The following KIAA1549L variants were observed in gnomAD, a reference collection of about 807,000 sequenced individuals.
KIAA1549L encodes KIAA1549 like.
Under a neutral mutation model 160.7 loss-of-function variants are expected in KIAA1549L, and 88 were observed. The ratio of observed to expected loss-of-function variants is 0.55; its 90% CI spans 0.46 to 0.65. KIAA1549L has a LOEUF of 0.65. KIAA1549L is among the 30% of genes least tolerant of loss of function. The probability of loss-of-function intolerance (pLI) is 0.00; values close to 1 mark genes in which losing one functional copy is unlikely to be tolerated. For synonymous variants in KIAA1549L, 950 were observed against 976.7 expected (o/e 0.97, Z 0.51); for missense variants, 2,258 against 2,437.5 (o/e 0.93, Z 1.55).
chr11:33,415,114 C>T (rs1850862879), intron 1 of KIAA1549L, among the ~76,000 whole-genome samples: 1 of 151,822 alleles, frequency 6.6e-6, no homozygotes, highest in South Asian at 2.1e-4. Context: ...ACTAGATAAG[C>T]CAAGTCTACC....
chr11:33,390,062 T>A (rs1257600426), intron 1 of KIAA1549L, among the ~76,000 whole-genome samples: 1 of 152,264 alleles, frequency 6.6e-6, no homozygotes, highest in Admixed American at 6.5e-5. Context: ...ATTTACTGTT[T>A]GTATCAGTTC....
chr11:33,647,295 G>A (rs1017317777), intron 17 of KIAA1549L, among the ~76,000 whole-genome samples: 5 of 149,880 alleles, frequency 3.3e-5, no homozygotes, highest in Non-Finnish European at 7.4e-5. Context: ...AGGATTGCTT[G>A]AGCCCAGGAG....
intron 16 of KIAA1549L, among the ~76,000 whole-genome samples, chr11:33,640,929 T>A (rs532437585): frequency 1.6e-4 from 24 of 152,342 alleles, no homozygotes; most frequent in African/African-American, 5.5e-4. Context: ...ATACATTCTG[T>A]GTCCCAGATA....
intron 4 of KIAA1549L, among the ~76,000 whole-genome samples, chr11:33,550,291 A>G (rs1270189227): frequency 1.3e-5 from 2 of 152,050 alleles, no homozygotes; most frequent in African/African-American, 4.8e-5. Flanking sequence ...CTGTTTTTCA[A>G]ATATACAGAT....
intron 1 of KIAA1549L, among the ~76,000 whole-genome samples, chr11:33,493,035 G>A (rs527906406): frequency 8.5e-5 from 13 of 152,252 alleles, no homozygotes; most frequent in African/African-American, 2.9e-4. Flanking sequence ...ATTCCTCGTT[G>A]TTTGACCTGC....
rs1430734830 is a variant in KIAA1549L, at chr11:33,673,689, A to T, written c.*5535A>T. The stretch of plus-strand genomic sequence containing the variant: ...TTTGTAATTCGGTTTTATCCAGGAA[A>T]ATATTTTAGCTCCTCCTATCTGCTG... On this transcript the variant is annotated 3_prime_UTR_variant, in exon 21 of 21. Coordinates refer to ENST00000658780, the MANE Select transcript of KIAA1549L (RefSeq NM_012194.3). 6 of 152,220 alleles carry T rather than the reference A, an allele frequency of 3.9e-5. No individual in the cohort carries two copies. Among genetic ancestry groups the T allele is most frequent in the African/African-American group, 1.2e-4 (5 of 41,458 alleles). 9.4% of individuals were successfully genotyped at this position (152,220 alleles called of 1,614,324 possible). A position where few individuals can be genotyped will look rare whatever the true frequency, so the allele number is the denominator to read the frequency against.
chr11:33,382,058 A>G (rs1850083567), intron 1 of KIAA1549L, among the ~76,000 whole-genome samples: 1 of 152,200 alleles, frequency 6.6e-6, no homozygotes, highest in South Asian at 2.1e-4. Context: ...TTCTAGGGCG[A>G]TAACAGGTCC....
At position 33,543,199 on chromosome 11, in the gene KIAA1549L, A is replaced by C. The variant is rs772280008; in HGVS notation, c.1636A>C (p.Lys546Gln). The C allele has an allele frequency of 1.9e-6, 3 of 1,614,022 alleles. No homozygotes were observed. The highest frequency in any genetic ancestry group is 2.2e-5 in the South Asian group (2 of 91,086). Residue 546 changes from lysine (K) to glutamine (Q), a missense_variant, in exon 2 of 21, where the codon AAA (lysine) becomes CAA (glutamine). Transcript: ENST00000658780. ...AACTAGAGACTTGCTCCTCTCAAGC[A>C]AAGTTCCTAATCTTCTTTCCACATC... Reference protein sequence around the residue: ...PATRDLLLSSKVPNLLSTSWT... With the variant: ...PATRDLLLSSQVPNLLSTSWT...
At chr11:33,439,359 T>C (rs1026074719) in intron 1 of KIAA1549L, among the ~76,000 whole-genome samples, 1 of 152,146 alleles carries the variant, frequency 6.6e-6, no homozygotes, top group Non-Finnish European at 1.5e-5. Flanking sequence ...TCAAGGTATT[T>C]GGGGGTATCT....
chr11:33,405,510 C>CTTTTT lies in KIAA1549L; in HGVS notation c.238+28634_238+28638dup, dbSNP rs60127936. On this transcript the variant is annotated intron_variant, in intron 1 of 20. Coordinates refer to ENST00000658780, the MANE Select transcript of KIAA1549L (RefSeq NM_012194.3). ...ATGTCTTTTATGTTATTTCCCTACA[C>CTTTTT]TTTTTTTTTTTTTTTTTAACATAAT... Among the ~76,000 whole-genome samples, 85 of 138,652 alleles carry CTTTTT rather than the reference C, an allele frequency of 6.1e-4. 1 individual carries two copies. The highest frequency in any genetic ancestry group is 2.2e-3 in the African/African-American group (84 of 37,724). The allele number at this position is 138,652 out of a possible 152,430, so 91.0% of individuals were successfully genotyped here.
At chr11:33,637,120 T>TA (rs1486045174) in intron 16 of KIAA1549L, among the ~76,000 whole-genome samples, 1 of 152,146 alleles carries the variant, frequency 6.6e-6, no homozygotes, top group Non-Finnish European at 1.5e-5. Context: ...CAGAGACCAT[T>TA]AAGGAGACCC....
At chr11:33,439,599 G>C (rs553967869) in intron 1 of KIAA1549L, among the ~76,000 whole-genome samples, 3 of 138,582 alleles carry the variant, frequency 2.2e-5, no homozygotes, top group Non-Finnish European at 4.6e-5. Flanking sequence ...TTTTAGTATA[G>C]ACGGGGTTTC....
chr11:33,428,100 A>G (rs1851157501), intron 1 of KIAA1549L, among the ~76,000 whole-genome samples: 1 of 152,166 alleles, frequency 6.6e-6, no homozygotes, highest in Non-Finnish European at 1.5e-5. Context: ...TTTTGTGTGG[A>G]CATATGTTTT....
chr11:33,408,892 G>C (rs921439650), intron 1 of KIAA1549L, among the ~76,000 whole-genome samples: 2 of 143,656 alleles, frequency 1.4e-5, no homozygotes, highest in African/African-American at 5.1e-5. Flanking sequence ...AAAGGCTGCA[G>C]TGAGCCAAGA....
intron 1 of KIAA1549L, among the ~76,000 whole-genome samples, chr11:33,491,627 A>G (rs911290875): frequency 1.3e-5 from 2 of 152,226 alleles, no homozygotes; most frequent in Non-Finnish European, 2.9e-5. Context: ...CATCCTTCCC[A>G]ACAAATCCCT....
At chr11:33,583,757 A>T (rs1565197696) in intron 11 of KIAA1549L, among the ~76,000 whole-genome samples, 1 of 152,192 alleles carries the variant, frequency 6.6e-6, no homozygotes, top group East Asian at 1.9e-4. Context: ...TGGAGGAAGT[A>T]CTATTATTTT....
intron 17 of KIAA1549L, among the ~76,000 whole-genome samples, chr11:33,652,246 A>G (rs1489339628): frequency 1.3e-5 from 2 of 151,972 alleles, no homozygotes; most frequent in African/African-American, 4.8e-5. Context: ...ATGAGGCAGG[A>G]AACTAGAAGG....
At position 33,609,872 on chromosome 11, in the gene KIAA1549L, A is replaced by G; in HGVS notation, c.5185A>G (p.Arg1729Gly). 2 of 1,613,998 alleles carry G rather than the reference A, an allele frequency of 1.2e-6. No homozygotes were observed. Residue 1729 changes from arginine to glycine, a missense_variant, in exon 15 of 21, where the codon AGA (arginine) becomes GGA (glycine). Arg to Gly is a moderately radical substitution (Grantham distance 125, BLOSUM62 -2). Coordinates refer to ENST00000658780, the MANE Select transcript of KIAA1549L (RefSeq NM_012194.3). ...GGAGACGAGCAAGGGTCTGACCGAA[A>G]GAAAGAAGATGTATGAAAAAGCCCC... Reference protein sequence around the residue: ...AVETSKGLTERKKMYEKAPKE... With the variant: ...AVETSKGLTEGKKMYEKAPKE...
intron 1 of KIAA1549L, among the ~76,000 whole-genome samples, chr11:33,451,200 AT>A: frequency 6.6e-6 from 1 of 152,344 alleles, no homozygotes; most frequent in Admixed American, 6.5e-5. Flanking sequence ...AGTTACCTTT[AT>A]AAGGACCTAC....
Sources: gnomAD v4.1 joint callset for allele counts (sites outside exome capture counted in the v4.1 genomes callset) on GRCh38, gnomAD v4.1.1 for gene constraint, MANE v1.5 for transcripts, NCBI Gene and HGNC (gene_info 2026-07-23, HGNC 2026-07-21) for gene names.